GRB14: variants seen among roughly 807,000 people sequenced by gnomAD.
The protein encoded by GRB14 is growth factor receptor-bound protein 14.
A neutral mutation model predicts 69.1 loss-of-function variants in GRB14; 38 were observed. The ratio of observed to expected loss-of-function variants is 0.55; its 90% confidence interval spans 0.42 to 0.72. The LOEUF (loss-of-function observed/expected upper bound fraction) is 0.72, where lower values mean the gene tolerates loss of function less well. Ranked by LOEUF, GRB14 falls within the 30% of genes least tolerant of loss-of-function variation. The pLI is 0.00. For synonymous variants in GRB14, 247 were observed against 241.3 expected, an observed-to-expected ratio of 1.02 and a Z score of -0.22; for missense variants, 666 against 666.1, an observed-to-expected ratio of 1.00 and a Z score of 0.00.
At chr2:164,569,728 A>G (rs1004517150) in intron 2 of GRB14, among the ~76,000 whole-genome samples, 8 of 152,206 alleles carry the variant, frequency 5.3e-5, no homozygotes, top group Non-Finnish European at 1.0e-4. Flanking sequence ...TTGAATTTCA[A>G]AACCAAAAAT....
At chr2:164,559,908 T>C (rs1410346819) in intron 2 of GRB14, among the ~76,000 whole-genome samples, 1 of 152,244 alleles carries the variant, frequency 6.6e-6, no homozygotes, top group Non-Finnish European at 1.5e-5. Context: ...TTCTAAATAT[T>C]TATTTTACAT....
intron 3 of GRB14, among the ~76,000 whole-genome samples, chr2:164,543,872 AT>A (rs1688299381): frequency 6.6e-6 from 1 of 152,232 alleles, no homozygotes; most frequent in African/African-American, 2.4e-5. Context: ...AACTGTTTAT[AT>A]TTTGTGCTGA....
At chr2:164,588,613 A>G (rs1364312091) in intron 2 of GRB14, among the ~76,000 whole-genome samples, 1 of 152,220 alleles carries the variant, frequency 6.6e-6, no homozygotes. Flanking sequence ...TATTTAACAA[A>G]TATGCCAGGA....
At chr2:164,614,678 T>C (rs1198743243) in intron 2 of GRB14, among the ~76,000 whole-genome samples, 3 of 152,232 alleles carry the variant, frequency 2.0e-5, no homozygotes, top group Non-Finnish European at 4.4e-5. Flanking sequence ...AAAATCTTGA[T>C]AATTGCTGAG....
chr2:164,548,909 C>G (rs1159114873), intron 2 of GRB14, among the ~76,000 whole-genome samples: 1 of 152,050 alleles, frequency 6.6e-6, no homozygotes, highest in Non-Finnish European at 1.5e-5. Flanking sequence ...CATTCTTTCA[C>G]TCATGTTGCA....
At chr2:164,493,477 T>C (rs1005459912) in intron 13 of GRB14, among the ~76,000 whole-genome samples, 1 of 152,182 alleles carries the variant, frequency 6.6e-6, no homozygotes, top group African/African-American at 2.4e-5. Flanking sequence ...AAATCTACAA[T>C]ATTCAGAGTA....
At chr2:164,532,337 C>T (rs1238777654) in intron 3 of GRB14, among the ~76,000 whole-genome samples, 1 of 152,188 alleles carries the variant, frequency 6.6e-6, no homozygotes, top group African/African-American at 2.4e-5. Flanking sequence ...GTAATTTCTG[C>T]ATGTCTGAGT....
intron 2 of GRB14, among the ~76,000 whole-genome samples, chr2:164,561,474 A>C (rs1688827540): frequency 1.3e-5 from 2 of 152,224 alleles, no homozygotes; most frequent in African/African-American, 2.4e-5. Flanking sequence ...AACTGAGTGC[A>C]CAGCAAGGAA....
intron 2 of GRB14, among the ~76,000 whole-genome samples, chr2:164,579,260 TA>T (rs1286870913): frequency 6.6e-6 from 1 of 152,184 alleles, no homozygotes; most frequent in African/African-American, 2.4e-5. Context: ...TTTCTGGTCA[TA>T]AAAACATCAC....
chr2:164,553,551 T>C (rs1322468042), intron 2 of GRB14, among the ~76,000 whole-genome samples: 1 of 152,246 alleles, frequency 6.6e-6, no homozygotes, highest in African/African-American at 2.4e-5. Context: ...TAGGTTGATA[T>C]TCCACGCAGT....
chr2:164,596,109 G>T (rs909218885), intron 2 of GRB14, among the ~76,000 whole-genome samples: 1 of 151,954 alleles, frequency 6.6e-6, no homozygotes, highest in African/African-American at 2.4e-5. Context: ...GATGACAGAG[G>T]GAGACTCCGT....
chr2:164,618,821 T>C (rs939459854), intron 2 of GRB14, among the ~76,000 whole-genome samples: 8 of 152,212 alleles, frequency 5.3e-5, no homozygotes, highest in African/African-American at 1.9e-4. Flanking sequence ...AACTGTCTTG[T>C]CCTCGCTGTT....
chr2:164,493,848 T>C (rs1184023346), intron 13 of GRB14, among the ~76,000 whole-genome samples: 2 of 152,118 alleles, frequency 1.3e-5, no homozygotes, highest in Non-Finnish European at 2.9e-5. Flanking sequence ...CTCCCCACCA[T>C]TCAGTTCCAA....
chr2:164,526,658 T>C (rs1687782104), intron 4 of GRB14, among the ~76,000 whole-genome samples: 1 of 152,052 alleles, frequency 6.6e-6, no homozygotes, highest in Non-Finnish European at 1.5e-5. Flanking sequence ...TTGTTCCTAA[T>C]CTGGGTGAGA....
At chr2:164,598,599 T>C (rs978084641) in intron 2 of GRB14, among the ~76,000 whole-genome samples, 2 of 152,196 alleles carry the variant, frequency 1.3e-5, no homozygotes, top group Non-Finnish European at 2.9e-5. Context: ...CTTTCTGGCA[T>C]GGTAGGAGGT....
At chr2:164,533,511 C>T (rs937914414) in intron 3 of GRB14, among the ~76,000 whole-genome samples, 10 of 152,054 alleles carry the variant, frequency 6.6e-5, no homozygotes, top group African/African-American at 1.4e-4. Context: ...TGAGCCACCG[C>T]GCCCGGCCCC....
chr2:164,524,830 G>A (rs1687725698), intron 5 of GRB14, among the ~76,000 whole-genome samples, 174 bp downstream of exon 5: 1 of 151,624 alleles, frequency 6.6e-6, no homozygotes, highest in Non-Finnish European at 1.5e-5. Context: ...GAGCTTTATT[G>A]ATTTAGGACA....
intron 2 of GRB14, among the ~76,000 whole-genome samples, chr2:164,616,888 T>C (rs987155108): frequency 6.6e-6 from 1 of 152,206 alleles, no homozygotes; most frequent in African/African-American, 2.4e-5. Context: ...GTAGAACATA[T>C]CGCATAGTCA....
At chr2:164,577,816 G>A (rs1048723630) in intron 2 of GRB14, among the ~76,000 whole-genome samples, 6 of 152,114 alleles carry the variant, frequency 3.9e-5, no homozygotes, top group East Asian at 1.9e-4. Flanking sequence ...AACTATACCC[G>A]AGTAAACAAA....
Sources: allele counts gnomAD v4.1 joint callset (sites outside exome capture counted in the v4.1 genomes callset), GRCh38; gene constraint gnomAD v4.1.1; transcripts MANE v1.5; gene names NCBI Gene and HGNC (gene_info 2026-07-23, HGNC 2026-07-21).